The following TMC1 variants were observed in gnomAD, a reference collection of about 807,000 sequenced individuals.
TMC1 encodes transmembrane channel like 1.
In TMC1, 84 loss-of-function variants were observed where a neutral mutation model predicts 105.8. The ratio of observed to expected loss-of-function variants is 0.79; its 90% confidence interval spans 0.67 to 0.95. The LOEUF (loss-of-function observed/expected upper bound fraction) is 0.95, where lower values mean the gene tolerates loss of function less well. Ranked by LOEUF, TMC1 falls within the 40% of genes least tolerant of loss-of-function variation. The probability of loss-of-function intolerance (pLI) is 0.00; values close to 1 mark genes in which losing one functional copy is unlikely to be tolerated. For synonymous variants in TMC1, 315 were observed against 311.5 expected (o/e 1.01, Z -0.12); for missense variants, 817 against 914.1 (o/e 0.89, Z 1.37).
At chr9:72,548,713 C>T (rs1459822205) in intron 1 of TMC1, among the ~76,000 whole-genome samples, 1 of 152,066 alleles carries the variant, frequency 6.6e-6, no homozygotes, top group Non-Finnish European at 1.5e-5. Flanking sequence ...TGTCGTGCTG[C>T]AGTGGCTCAC....
intron 13 of TMC1, among the ~76,000 whole-genome samples, chr9:72,783,556 T>A (rs1034224724): frequency 6.6e-6 from 1 of 152,034 alleles, no homozygotes; most frequent in Non-Finnish European, 1.5e-5. Flanking sequence ...TAAGGGTGGG[T>A]CTTCCCCTCC....
At chr9:72,733,932 A>G (rs1827256506) in intron 8 of TMC1, among the ~76,000 whole-genome samples, 1 of 152,170 alleles carries the variant, frequency 6.6e-6, no homozygotes, top group South Asian at 2.1e-4. Flanking sequence ...GCATATCCAA[A>G]TTGCCAGCAT....
At chr9:72,831,883 T>A (rs571481303) in intron 23 of TMC1, among the ~76,000 whole-genome samples, 1 of 152,180 alleles carries the variant, frequency 6.6e-6, no homozygotes, top group South Asian at 2.1e-4. Context: ...TTGTGAATAG[T>A]GCCGCAATAA....
chr9:72,835,853 T>G (rs1481228058), intron 23 of TMC1, 98 bp from the exon 24 acceptor site: 1 of 1,410,316 alleles, frequency 7.1e-7, no homozygotes, highest in African/African-American at 1.4e-5. Flanking sequence ...TTCAGAACCA[T>G]TAAGCACACT....
chr9:72,671,374 C>T (rs569510050), intron 5 of TMC1, among the ~76,000 whole-genome samples: 2 of 152,280 alleles, frequency 1.3e-5, no homozygotes, highest in East Asian at 1.9e-4. Flanking sequence ...AGTGACCGTC[C>T]TGCTTCTGCA....
At chr9:72,532,541 C>CAAAAAAAAAAAAAAAAAAA (rs59010604) in intron 1 of TMC1, among the ~76,000 whole-genome samples, 1 of 75,528 alleles carries the variant, frequency 1.3e-5, no homozygotes, top group African/African-American at 4.8e-5. Flanking sequence ...GACTCCGTCT[C>CAAAAAAAAAAAAAAAAAAA]AAAAAAAAAA....
intron 8 of TMC1, among the ~76,000 whole-genome samples, chr9:72,716,554 G>A (rs996237591): frequency 2.6e-5 from 4 of 152,148 alleles, no homozygotes; most frequent in African/African-American, 9.7e-5. Context: ...GCAACTTTGT[G>A]TACACTGTGA....
intron 8 of TMC1, among the ~76,000 whole-genome samples, chr9:72,729,216 T>A (rs1398054800): frequency 6.6e-6 from 1 of 152,258 alleles, no homozygotes; most frequent in East Asian, 1.9e-4. Flanking sequence ...AAAAATTCCC[T>A]TAAGAAATTT....
chr9:72,564,534 G>A (rs977332947), intron 1 of TMC1, among the ~76,000 whole-genome samples: 25 of 152,292 alleles, frequency 1.6e-4, no homozygotes, highest in Middle Eastern at 6.8e-3. Flanking sequence ...ATAAACCTCA[G>A]AATGTTCCCA....
At chr9:72,779,980 A>G (rs146081298) in intron 13 of TMC1, among the ~76,000 whole-genome samples, 2 of 152,298 alleles carry the variant, frequency 1.3e-5, no homozygotes, top group South Asian at 2.1e-4. Context: ...TTTAAGGTCA[A>G]TGCAAAAGAA....
chr9:72,649,091 TGAG>T (rs1825760342), intron 5 of TMC1, among the ~76,000 whole-genome samples: 1 of 152,164 alleles, frequency 6.6e-6, no homozygotes, highest in Non-Finnish European at 1.5e-5. Context: ...TAAATTAAGT[TGAG>T]AAGAGGAAGC....
intron 5 of TMC1, among the ~76,000 whole-genome samples, chr9:72,652,382 G>A (rs1383003524): frequency 1.3e-5 from 2 of 152,136 alleles, no homozygotes; most frequent in African/African-American, 2.4e-5. Context: ...GGCTTCCTAG[G>A]GAAAGCATAT....
rs113386228 is a variant in TMC1, at chr9:72,835,897, T to TTCTC, written c.2261-43_2261-40dup. The TTCTC allele has an allele frequency of 2.6e-4, 405 of 1,530,566 alleles. 1 individual carries two copies. The highest frequency in any genetic ancestry group is 1.1e-4 in the Admixed American group (6 of 55,728). 94.8% of individuals were successfully genotyped at this position (1,530,566 alleles called of 1,614,324 possible). ...CGTTTTTATTTGCCTCCTGTTCATCTTCTCTCTCTCTCTCCTTGTTTTTTT... is the reference window on the plus strand; with the variant it reads ...CGTTTTTATTTGCCTCCTGTTCATCTTCTCTCTCTCTCTCTCTCCTTGTTTTTTT... On this transcript the variant is annotated intron_variant, in intron 23 of 23. Coordinates refer to ENST00000297784, the MANE Select transcript of TMC1 (RefSeq NM_138691.3).
intron 5 of TMC1, among the ~76,000 whole-genome samples, chr9:72,658,454 G>A (rs939363243): frequency 2.0e-5 from 3 of 152,086 alleles, no homozygotes; most frequent in Non-Finnish European, 4.4e-5. Flanking sequence ...TGACATACGG[G>A]TAGAGTTCCA....
chr9:72,822,514 T>TTGTGTGTG (rs368968408), intron 20 of TMC1, among the ~76,000 whole-genome samples: 4,221 of 135,796 alleles, frequency 0.031, 81 homozygotes, highest in Non-Finnish European at 0.039. Context: ...GTTAATTCCG[T>TTGTGTGTG]TGTGTGTGTG....
intron 12 of TMC1, among the ~76,000 whole-genome samples, chr9:72,769,941 G>T (rs1407211870): frequency 6.6e-6 from 1 of 152,156 alleles, no homozygotes; most frequent in Non-Finnish European, 1.5e-5. Context: ...CTGGGACAGA[G>T]GAACAAGCAT....
At chr9:72,541,387 A>C (rs1271051972) in intron 1 of TMC1, among the ~76,000 whole-genome samples, 1 of 152,188 alleles carries the variant, frequency 6.6e-6, no homozygotes, top group Non-Finnish European at 1.5e-5. Context: ...TGTTTGAATA[A>C]CTTAAAGAGC....
chr9:72,694,656 G>A lies in TMC1; in HGVS notation c.178G>A (p.Asp60Asn). Residue 60 changes from aspartate to asparagine, a missense_variant, in exon 7 of 24, where the codon GAT becomes AAT. Asp to Asn is a conservative substitution (Grantham distance 23). Transcript: ENST00000297784. The part of the protein sequence containing the change: ...NEDDPEPEPE[D>N]EETRKAREKE... ...GGATGACCCAGAACCTGAACCAGAGGATGAAGAAACAAGGAAGGCAAGAGA... is the reference window on the plus strand; with the variant it reads ...GGATGACCCAGAACCTGAACCAGAGAATGAAGAAACAAGGAAGGCAAGAGA... The A allele has an allele frequency of 6.2e-7, 1 of 1,612,492 alleles. No individual in the cohort carries two copies. Among genetic ancestry groups the A allele is most frequent in the Non-Finnish European group, 8.5e-7 (1 of 1,179,194 alleles).
At chr9:72,700,743 T>TATATATATATATATACAC (rs1242969553) in intron 8 of TMC1, 100 bp downstream of exon 8, 6 of 130,818 alleles carry the variant, frequency 4.6e-5, no homozygotes, top group African/African-American at 2.6e-4. Flanking sequence ...TATATATATA[T>TATATATATATATATACAC]ACACACACAC....
Sources: gnomAD v4.1 joint callset for allele counts (sites outside exome capture counted in the v4.1 genomes callset) on GRCh38, gnomAD v4.1.1 for gene constraint, MANE v1.5 for transcripts, NCBI Gene and HGNC (gene_info 2026-07-23, HGNC 2026-07-21) for gene names.